Variants in DAB2IP observed in about 807,000 individuals in gnomAD.
The protein encoded by DAB2IP is disabled homolog 2-interacting protein.
In DAB2IP, 28 loss-of-function variants were observed where a neutral mutation model predicts 107.2. The observed-to-expected ratio is 0.26, with a 90% confidence interval of 0.19 to 0.36. DAB2IP has a LOEUF of 0.36. Ranked by LOEUF, DAB2IP falls within the 10% of genes least tolerant of loss-of-function variation. The pLI, the probability that DAB2IP is intolerant of heterozygous loss-of-function variation, is 1.00. For synonymous variants in DAB2IP, 755 were observed against 706.4 expected (o/e 1.07, Z -1.09); for missense variants, 1,400 against 1,644.7 (o/e 0.85, Z 2.57).
Position 121,713,681 on chromosome 9 carries a change from G to A in DAB2IP, c.362+14223G>A, listed in dbSNP as rs556211314. Among the ~76,000 whole-genome samples, 6 of 152,266 alleles carry A rather than the reference G, an allele frequency of 3.9e-5. No individual in the cohort carries two copies. In the South Asian group the frequency reaches 1.2e-3, roughly 32 times the overall value. On this transcript the variant is annotated intron_variant, in intron 3 of 15. Transcript: ENST00000408936. The stretch of plus-strand genomic sequence containing the variant: ...CTGGACAAGCTTGGTGGATGGCCAG[G>A]GGAGCCTGGGGTGAATTTGTTCACA...
intron 3 of DAB2IP, among the ~76,000 whole-genome samples, chr9:121,745,717 C>T (rs571019792): frequency 1.4e-4 from 22 of 152,200 alleles, no homozygotes; most frequent in African/African-American, 4.3e-4. Context: ...ACCCACTTGA[C>T]GGGGTAGGAT....
chr9:121,654,738 C>T (rs1258930011), intron 1 of DAB2IP, among the ~76,000 whole-genome samples: 3 of 152,180 alleles, frequency 2.0e-5, no homozygotes, highest in Admixed American at 2.0e-4. Flanking sequence ...CCTCCCCATC[C>T]ACATGGGGGC....
chr9:121,691,325 C>A lies in DAB2IP; in HGVS notation c.229-8000C>A, dbSNP rs1829148935. Among the ~76,000 whole-genome samples the A allele has an allele frequency of 3.3e-5, 5 of 151,998 alleles. No homozygotes were observed. The South Asian group carries it at 1.0e-3, about 32-fold the overall frequency. ...GAGACCTGGCCTAGTGTGGGGACAT[C>A]CGGGGAGGCCTCTAAGAGAAAGACT... On this transcript the variant is annotated intron_variant, in intron 2 of 15. Transcript: ENST00000408936.
At chr9:121,754,444 C>G (rs1379846077) in intron 3 of DAB2IP, among the ~76,000 whole-genome samples, 1 of 152,060 alleles carries the variant, frequency 6.6e-6, no homozygotes, top group Non-Finnish European at 1.5e-5. Flanking sequence ...TGGGCCTGCC[C>G]TGCCCCTATT....
intron 3 of DAB2IP, among the ~76,000 whole-genome samples, chr9:121,741,592 T>C (rs1832350982): frequency 6.6e-6 from 1 of 152,052 alleles, no homozygotes; most frequent in Admixed American, 6.6e-5. Context: ...CCTTCTGTCC[T>C]TGTCTCCTTA....
At chr9:121,750,388 C>T (rs888835022) in intron 3 of DAB2IP, among the ~76,000 whole-genome samples, 22 of 152,192 alleles carry the variant, frequency 1.4e-4, no homozygotes, top group African/African-American at 5.1e-4. Context: ...GTGTACTGCC[C>T]AGCCCATTAC....
At chr9:121,607,270 G>C (rs1830916800) in intron 1 of DAB2IP, among the ~76,000 whole-genome samples, 1 of 151,860 alleles carries the variant, frequency 6.6e-6, no homozygotes, top group Non-Finnish European at 1.5e-5. Context: ...ATGATGGTCT[G>C]GTTTTATGTT....
Position 121,668,907 on chromosome 9 carries a change from C to CTTTTTTTTTTTTTTTTTTTTTTTTTT in DAB2IP, c.125-9746_125-9745insTTTTTTTTTTTTTTTTTTTTTTTTTT, listed in dbSNP as rs377320590. Reference sequence around the variant, plus strand: ...CTTAAAGGGTCCATAGTAAGCCTTACTTTTTTTTTTTTTTTTTTTTTTTTT... The same window carrying CTTTTTTTTTTTTTTTTTTTTTTTTTT: ...CTTAAAGGGTCCATAGTAAGCCTTACTTTTTTTTTTTTTTTTTTTTTTTTTTTTTTTTTTTTTTTTTTTTTTTTTTT... On this transcript the variant is annotated intron_variant, in intron 1 of 15. Coordinates refer to ENST00000408936, the Ensembl canonical transcript of DAB2IP. Among the ~76,000 whole-genome samples the CTTTTTTTTTTTTTTTTTTTTTTTTTT allele has an allele frequency of 2.8e-5, 2 of 72,154 alleles. 1 individual carries two copies. 47.3% of individuals were successfully genotyped at this position (72,154 alleles called of 152,430 possible).
At chr9:121,604,878 G>T (rs558866109) in intron 1 of DAB2IP, among the ~76,000 whole-genome samples, 1 of 152,262 alleles carries the variant, frequency 6.6e-6, no homozygotes, top group Admixed American at 6.5e-5. Context: ...TCCAACTGCC[G>T]TGCCTGCACC....
rs1828765051 is a variant in DAB2IP, at chr9:121,684,577, G to A, written c.228+5796G>A. ...TGGCCACCAGGCCCCAGCCCCAGCT[G>A]TAGAGGGACCCGAAGTTTGGGCTGC... is the stretch of plus-strand genomic sequence containing the variant. On this transcript the variant is annotated intron_variant, in intron 2 of 15. Coordinates refer to ENST00000408936, the Ensembl canonical transcript of DAB2IP. The surrounding 1 kb of genome is among the most constrained non-coding windows in gnomAD (Gnocchi z 4.0). 6.6e-6 allele frequency among the ~76,000 whole-genome samples: 1 copy of A among 152,156 alleles called. No individual in the cohort carries two copies. Among genetic ancestry groups the A allele is most frequent in the South Asian group, 2.1e-4 (1 of 4,824 alleles).
chr9:121,748,700 G>A (rs1832888711), intron 3 of DAB2IP, among the ~76,000 whole-genome samples: 1 of 152,216 alleles, frequency 6.6e-6, no homozygotes, highest in Non-Finnish European at 1.5e-5. Context: ...TGGCTGTTAG[G>A]TCCAGGCTGC....
intron 3 of DAB2IP, among the ~76,000 whole-genome samples, chr9:121,708,249 C>T (rs1403127444): frequency 6.6e-6 from 1 of 152,082 alleles, no homozygotes; most frequent in African/African-American, 2.4e-5. Flanking sequence ...AACTGAAACC[C>T]GATGTGTGAG....
At chr9:121,590,347 T>C (rs1181686069) in intron 1 of DAB2IP, among the ~76,000 whole-genome samples, 1 of 151,526 alleles carries the variant, frequency 6.6e-6, no homozygotes, top group Non-Finnish European at 1.5e-5. Flanking sequence ...GCCTGGGTCT[T>C]CATCCTATGA....
chr9:121,625,241 C>CTT (rs55645811), intron 1 of DAB2IP, among the ~76,000 whole-genome samples: 50,070 of 127,724 alleles, frequency 0.39, 11,619 homozygotes, highest in Non-Finnish European at 0.51. Context: ...AGTGGCTGGG[C>CTT]TTTTTTTTTT....
At position 121,736,595 on chromosome 9, in the gene DAB2IP, C is replaced by T. The variant is rs1008700734; in HGVS notation, c.363-20418C>T. Among the ~76,000 whole-genome samples the T allele has an allele frequency of 1.3e-5, 2 of 151,942 alleles. No homozygotes were observed. The highest frequency in any genetic ancestry group is 2.4e-5 in the African/African-American group (1 of 41,386). Reference sequence around the variant, plus strand: ...GGCTGGGGCTGGGGCGGGCCGCTTCCGGGCTGGAGAGGGTTTGGGGCGTGG... The same window carrying T: ...GGCTGGGGCTGGGGCGGGCCGCTTCTGGGCTGGAGAGGGTTTGGGGCGTGG... On this transcript the variant is annotated intron_variant, in intron 3 of 15. Transcript: ENST00000408936. The surrounding 1 kb of genome is among the most constrained non-coding windows in gnomAD (Gnocchi z 4.6).
intron 1 of DAB2IP, among the ~76,000 whole-genome samples, chr9:121,606,377 A>G (rs116213194): frequency 0.038 from 5,772 of 151,984 alleles, 360 homozygotes; most frequent in African/African-American, 0.13. Flanking sequence ...AATAATAATA[A>G]TAATAATGTA....
chr9:121,781,514 C>A, exon 15 of DAB2IP: 2 of 1,613,986 alleles, frequency 1.2e-6, no homozygotes, highest in Non-Finnish European at 8.5e-7. Context: ...GAGATGCAAG[C>A]GGCTGTGGAC....
At chr9:121,737,591 C>T (rs1317862196) in intron 3 of DAB2IP, 19 of 985,272 alleles carry the variant, frequency 1.9e-5, no homozygotes, top group East Asian at 1.1e-4. Context: ...GATCCTGGGC[C>T]GGGCCGGAGG....
chr9:121,741,128 A>T (rs1252766042), intron 3 of DAB2IP, among the ~76,000 whole-genome samples: 2 of 151,536 alleles, frequency 1.3e-5, no homozygotes, highest in African/African-American at 4.9e-5. Flanking sequence ...GATGCTCGAC[A>T]CCCCCTCCTC....
Sources: allele counts gnomAD v4.1 joint callset (sites outside exome capture counted in the v4.1 genomes callset), GRCh38; gene constraint gnomAD v4.1.1; non-coding constraint Gnocchi (gnomAD v3.1); transcripts MANE v1.5; gene names NCBI Gene and HGNC (gene_info 2026-07-23, HGNC 2026-07-21).